The following GPR55 variants were observed in gnomAD, a reference collection of about 807,000 sequenced individuals.
The protein encoded by GPR55 is G-protein coupled receptor 55.
Under a neutral mutation model 7.9 loss-of-function variants are expected in GPR55, and 6 were observed. The observed-to-expected ratio is 0.76, with a 90% CI of 0.41 to 1.49. The LOEUF is 1.49. Among genes scored for constraint, GPR55 ranks in the 40% most tolerant of loss-of-function variants. GPR55 has a pLI of 0.01. For synonymous variants in GPR55, 183 were observed against 166.8 expected, an observed-to-expected ratio of 1.10 and a Z score of -0.75; for missense variants, 376 against 406.0, an observed-to-expected ratio of 0.93 and a Z score of 0.63.
At chr2:230,956,798 A>G (rs896466413) in intron 1 of GPR55, among the ~76,000 whole-genome samples, 1 of 152,204 alleles carries the variant, frequency 6.6e-6, no homozygotes, top group Non-Finnish European at 1.5e-5. Flanking sequence ...ATACCTTTTC[A>G]TCTAGAGCTG....
intron 1 of GPR55, among the ~76,000 whole-genome samples, chr2:230,942,843 G>GGAAGGGGCAGGA (rs1474827785): frequency 6.6e-6 from 1 of 151,942 alleles, no homozygotes; most frequent in Non-Finnish European, 1.5e-5. Flanking sequence ...GAAGAGACAC[G>GGAAGGGGCAGGA]GAAGGGGCAG....
intron 1 of GPR55, among the ~76,000 whole-genome samples, chr2:230,959,867 C>G (rs763709023): frequency 2.0e-5 from 3 of 152,140 alleles, no homozygotes; most frequent in Non-Finnish European, 4.4e-5. Flanking sequence ...CCCAAGTTAT[C>G]TACAATGCAC....
At chr2:230,921,766 T>C (rs565481225) in intron 1 of GPR55, among the ~76,000 whole-genome samples, 1 of 152,224 alleles carries the variant, frequency 6.6e-6, no homozygotes, top group East Asian at 1.9e-4. Context: ...ACAGCTCTGA[T>C]CACCCTAGGA....
At chr2:230,917,458 T>C (rs1415977162) in intron 1 of GPR55, among the ~76,000 whole-genome samples, 1 of 152,090 alleles carries the variant, frequency 6.6e-6, no homozygotes, top group East Asian at 1.9e-4. Flanking sequence ...ATTAAAAAAA[T>C]TCAGAAATTA....
chr2:230,940,667 C>A (rs544175918), intron 1 of GPR55, among the ~76,000 whole-genome samples: 11 of 152,302 alleles, frequency 7.2e-5, no homozygotes, highest in Non-Finnish European at 1.5e-4. Context: ...CCTGGGGGCC[C>A]ATGCTGCTGC....
chr2:230,940,440 G>A (rs933782382), intron 1 of GPR55, among the ~76,000 whole-genome samples: 1 of 152,198 alleles, frequency 6.6e-6, no homozygotes, highest in Non-Finnish European at 1.5e-5. Context: ...ATAGTGGAAG[G>A]TGTCTCCAGA....
At chr2:230,940,687 G>A (rs895283981) in intron 1 of GPR55, among the ~76,000 whole-genome samples, 1 of 152,194 alleles carries the variant, frequency 6.6e-6, no homozygotes, top group Non-Finnish European at 1.5e-5. Context: ...CTGGGTGGCC[G>A]CCTCGCCCCA....
chr2:230,954,424 G>C (rs998623929), intron 1 of GPR55, among the ~76,000 whole-genome samples: 1 of 152,208 alleles, frequency 6.6e-6, no homozygotes, highest in Non-Finnish European at 1.5e-5. Context: ...TTCAGTCTTA[G>C]TTCCCTCCTT....
At chr2:230,922,237 A>T (rs1690854530) in intron 1 of GPR55, among the ~76,000 whole-genome samples, 1 of 152,164 alleles carries the variant, frequency 6.6e-6, no homozygotes, top group South Asian at 2.1e-4. Context: ...AAAGTATGTG[A>T]CGTGTGGAAA....
intron 1 of GPR55, among the ~76,000 whole-genome samples, chr2:230,915,864 G>A (rs1430574687): frequency 8.6e-6 from 1 of 116,094 alleles, no homozygotes; most frequent in Non-Finnish European, 1.7e-5. Flanking sequence ...CAGACTTGCA[G>A]AAAGCAAGTC....
chr2:230,915,849 AGAACC>A (rs60058101), intron 1 of GPR55, among the ~76,000 whole-genome samples: 77,765 of 152,090 alleles, frequency 0.51, 22,860 homozygotes, highest in African/African-American at 0.83. Context: ...TCTGGTTGGA[AGAACC>A]AGACTTGCAG....
chr2:230,954,788 AG>A (rs1435590861), intron 1 of GPR55, among the ~76,000 whole-genome samples: 3 of 152,214 alleles, frequency 2.0e-5, no homozygotes, highest in Non-Finnish European at 4.4e-5. Context: ...TGAAGGTGTT[AG>A]TGTTTTTTAA....
In GPR55 at chr2:230,908,413, A is replaced by G. The variant is rs1020406277; in HGVS notation, c.*1590T>C. ...CCATGGCTCTTAGGCCAGCTGGGAA[A>G]GCTCTCAGGCAGGAAGCAGCTCAGC... On this transcript the variant is annotated 3_prime_UTR_variant, in exon 2 of 2. Coordinates refer to ENST00000650999, the MANE Select transcript of GPR55 (RefSeq NM_005683.4). 6.6e-6 allele frequency: 1 copy of G among 152,446 alleles called. No homozygotes were observed. Among genetic ancestry groups the G allele is most frequent in the Admixed American group, 6.5e-5 (1 of 15,272 alleles). 9.4% of individuals were successfully genotyped at this position (152,446 alleles called of 1,614,324 possible). A position where few individuals can be genotyped will look rare whatever the true frequency, so the allele number is the denominator to read the frequency against.
In GPR55 at chr2:230,922,984, G is replaced by A. The variant is rs181676155; in HGVS notation, c.-135+2184C>T. On this transcript the variant is annotated intron_variant, in intron 1 of 1. Transcript: ENST00000650999. ...CTCCCAAACTGCTGGGATTACAGGC[G>A]TGAGCCCGAGCACCCGGCCTGTGCT... is the stretch of plus-strand genomic sequence containing the variant. Among the ~76,000 whole-genome samples the A allele has an allele frequency of 4.7e-3, 717 of 152,316 alleles. 2 individuals are homozygous for A. The highest frequency in any genetic ancestry group is 8.1e-3 in the Non-Finnish European group (554 of 68,028).
chr2:230,957,393 A>G (rs1277000357), intron 1 of GPR55, among the ~76,000 whole-genome samples: 1 of 152,202 alleles, frequency 6.6e-6, no homozygotes, highest in Non-Finnish European at 1.5e-5. Flanking sequence ...TGTCTCCAGC[A>G]TGGATACGCG....
At chr2:230,915,656 G>T (rs895067921) in intron 1 of GPR55, among the ~76,000 whole-genome samples, 10 of 152,204 alleles carry the variant, frequency 6.6e-5, no homozygotes, top group Non-Finnish European at 2.9e-5. Flanking sequence ...CACTCCCAGA[G>T]GCCCTGCTGA....
chr2:230,907,801 C>T lies in GPR55; in HGVS notation c.*2202G>A, dbSNP rs767231190. The T allele has an allele frequency of 6.6e-6, 1 of 152,222 alleles. No individual in the cohort carries two copies. Among genetic ancestry groups the T allele is most frequent in the Non-Finnish European group, 1.5e-5 (1 of 68,094 alleles). The allele number at this position is 152,222 out of a possible 1,614,324, so 9.4% of individuals were successfully genotyped here. ...TAGATAAGATTTTATGTTTGAACAT[C>T]GCTGGGGATGATAGTTGGTTAGGTC... On this transcript the variant is annotated 3_prime_UTR_variant, in exon 2 of 2. Transcript: ENST00000650999.
At chr2:230,947,503 CTT>C (rs1324311132) in intron 1 of GPR55, among the ~76,000 whole-genome samples, 54 of 135,238 alleles carry the variant, frequency 4.0e-4, no homozygotes, top group Admixed American at 2.9e-4. Context: ...ACTTTATGAC[CTT>C]TTTTTTTTTT....
intron 1 of GPR55, among the ~76,000 whole-genome samples, chr2:230,919,895 A>G (rs1463664908): frequency 1.3e-5 from 2 of 152,026 alleles, no homozygotes; most frequent in African/African-American, 4.8e-5. Context: ...TATGCTGACT[A>G]TGTTGAGTAA....
Sources: allele counts gnomAD v4.1 joint callset (sites outside exome capture counted in the v4.1 genomes callset), GRCh38; gene constraint gnomAD v4.1.1; transcripts MANE v1.5; gene names NCBI Gene and HGNC (gene_info 2026-07-23, HGNC 2026-07-21).